The following NOD1 variants were observed in gnomAD, a reference collection of about 807,000 sequenced individuals.
NOD1 encodes nucleotide binding oligomerization domain containing 1.
NOD1 carries 70 observed loss-of-function variants against 81.2 expected under a neutral mutation model. That is an observed-to-expected ratio of 0.86 (90% CI 0.71 to 1.05). The LOEUF (loss-of-function observed/expected upper bound fraction) is 1.05. Ranked by LOEUF, NOD1 falls within the 50% of genes least tolerant of loss-of-function variation. The pLI is 0.00. For missense variants in NOD1, 1,233 were observed against 1,228.0 expected (o/e 1.00, Z -0.06); for synonymous variants, 508 against 526.9 (o/e 0.96, Z 0.49).
chr7:30,448,322 T>G lies in NOD1; in HGVS notation c.2261A>C (p.Lys754Thr), dbSNP rs1785327489. Residue 754 changes from lysine (K) to threonine (T), a missense_variant, in exon 7 of 14, where the codon AAA becomes ACA. Transcript: ENST00000222823. Reference protein sequence around the residue: ...GVKVLSEELTKYKIVTYLGLY... With the variant: ...GVKVLSEELTTYKIVTYLGLY... ...CCCCAAATAGGTCACAATTTTGTAT[T>G]TGGTCAGCTCTTCGCTTAGCACCTT... is the stretch of plus-strand genomic sequence containing the variant. 6.2e-7 allele frequency: 1 copy of G among 1,614,202 alleles called. No homozygotes were observed. The highest frequency in any genetic ancestry group is 1.1e-5 in the South Asian group (1 of 91,090).
intron 1 of NOD1, among the ~76,000 whole-genome samples, chr7:30,477,583 C>T (rs1406107937): frequency 6.6e-6 from 1 of 152,110 alleles, no homozygotes; most frequent in Non-Finnish European, 1.5e-5. Context: ...AGGGCGATCT[C>T]GGCTCACTGC....
At chr7:30,460,304 CA>C in intron 1 of NOD1, 4 of 985,468 alleles carry the variant, frequency 4.1e-6, no homozygotes, top group Non-Finnish European at 4.8e-6. Flanking sequence ...AAACACCAGA[CA>C]GCCAGAGATC....
At chr7:30,457,387 G>C (rs1427744699) in intron 3 of NOD1, among the ~76,000 whole-genome samples, 1 of 152,092 alleles carries the variant, frequency 6.6e-6, no homozygotes, top group Non-Finnish European at 1.5e-5. Flanking sequence ...AGAGTTCAAG[G>C]CTGCAGTGAA....
chr7:30,472,073 C>T (rs969450127), intron 1 of NOD1, among the ~76,000 whole-genome samples: 2 of 152,304 alleles, frequency 1.3e-5, no homozygotes, highest in Admixed American at 6.5e-5. Flanking sequence ...AGAGATTGTT[C>T]ATTATCTGAA....
chr7:30,435,926 C>G lies in NOD1; in HGVS notation c.2621+72G>C, dbSNP rs568459035. 45 of 1,305,308 alleles carry G rather than the reference C, an allele frequency of 3.4e-5. No individual in the cohort carries two copies. The East Asian group carries it at 4.4e-4, about 13-fold the overall frequency. The allele number at this position is 1,305,308 out of a possible 1,614,324, so 80.9% of individuals were successfully genotyped here. A position where few individuals can be genotyped will look rare whatever the true frequency, so the allele number is the denominator to read the frequency against. On this transcript the variant is annotated intron_variant, in intron 11 of 13. Coordinates refer to ENST00000222823, the MANE Select transcript of NOD1 (RefSeq NM_006092.4). ...TGAGCTGAGATCACACCAATGCACT[C>G]AAGCCTGGACGACAAAGCAAGACCC...
chr7:30,448,335 C>T lies in NOD1; in HGVS notation c.2248G>A (p.Glu750Lys), dbSNP rs147319394. The T allele has an allele frequency of 2.5e-5, 41 of 1,614,084 alleles. No homozygotes were observed. Among genetic ancestry groups the T allele is most frequent in the Non-Finnish European group, 2.8e-5 (33 of 1,180,032 alleles). The change falls in exon 7 of 14, where the codon GAA (glutamate) becomes AAA (lysine). Residue 750 changes from glutamate (E) to lysine (K), a missense_variant. Physicochemically the swap from Glu to Lys is moderately conservative, Grantham distance 56. Coordinates refer to ENST00000222823, the MANE Select transcript of NOD1 (RefSeq NM_006092.4). ...ITDGGVKVLS[E>K]ELTKYKIVTY... ...ACAATTTTGTATTTGGTCAGCTCTT[C>T]GCTTAGCACCTTTACCCCACCGTCA...
chr7:30,460,440 C>T (rs543347241), intron 1 of NOD1: 48 of 985,292 alleles, frequency 4.9e-5, no homozygotes, highest in Middle Eastern at 5.2e-4. Flanking sequence ...GGCCAGGTAT[C>T]TGGGAGCTGG....
At position 30,430,170 on chromosome 7, in the gene NOD1, G is replaced by A. The variant is rs1231907071; in HGVS notation, c.2706-713C>T. On this transcript the variant is annotated intron_variant, in intron 12 of 13. Coordinates refer to ENST00000222823, the MANE Select transcript of NOD1 (RefSeq NM_006092.4). ...AGAGGCTACCAACATGCAAGAGGGA[G>A]GGAGGAGAAACAGTTATGCTGCCAT... 1.8e-4 allele frequency among the ~76,000 whole-genome samples: 27 copies of A among 152,228 alleles called. 1 individual carries two copies. The highest frequency in any genetic ancestry group is 1.5e-5 in the Non-Finnish European group (1 of 68,048).
At chr7:30,438,240 C>G (rs1404400102) in intron 9 of NOD1, among the ~76,000 whole-genome samples, 1 of 152,226 alleles carries the variant, frequency 6.6e-6, no homozygotes, top group Non-Finnish European at 1.5e-5. Context: ...GGCGATAAAG[C>G]TGTATTCTGT....
rs79357452 is a variant in NOD1, at chr7:30,476,643, T to C, written c.-352+1963A>G. 1.2e-4 allele frequency among the ~76,000 whole-genome samples: 19 copies of C among 152,312 alleles called. No individual in the cohort carries two copies. The East Asian group carries it at 2.7e-3, about 22-fold the overall frequency. On this transcript the variant is annotated intron_variant, in intron 1 of 13. Transcript: ENST00000222823. ...TTCTTGGAAAGCCATTTAAAAGATA[T>C]ATATGTGGCAACAGAGAGGAGGAAG...
chr7:30,455,540 T>C (rs1205584438), intron 4 of NOD1, among the ~76,000 whole-genome samples: 2 of 151,146 alleles, frequency 1.3e-5, no homozygotes, highest in Admixed American at 6.6e-5. Context: ...GAGGCTTCCA[T>C]GAGCCTAAAA....
rs573457356 is a variant in NOD1, at chr7:30,439,334, A to G, written c.2454-1678T>C. Among the ~76,000 whole-genome samples the G allele has an allele frequency of 7.6e-3, 1,072 of 140,720 alleles. 23 individuals carry two copies. The highest frequency in any genetic ancestry group is 0.026 in the Admixed American group (382 of 14,708). 92.3% of individuals were successfully genotyped at this position (140,720 alleles called of 152,430 possible). A position where few individuals can be genotyped will look rare whatever the true frequency, so the allele number is the denominator to read the frequency against. On this transcript the variant is annotated intron_variant, in intron 9 of 13. Coordinates refer to ENST00000222823, the MANE Select transcript of NOD1 (RefSeq NM_006092.4). ...GAAGACGGGTGATTTCTGCATTTCC[A>G]TCTGAGGTACCGGGTTCATCTCACT...
intron 11 of NOD1, among the ~76,000 whole-genome samples, chr7:30,434,902 G>T (rs1784251803): frequency 1.3e-5 from 2 of 151,710 alleles, no homozygotes; most frequent in Admixed American, 6.6e-5. Flanking sequence ...GATAGGGAGG[G>T]TTGTAATACA....
Position 30,425,453 on chromosome 7 carries a change from G to C in NOD1, c.*185C>G. On this transcript the variant is annotated 3_prime_UTR_variant, in exon 14 of 14. Transcript: ENST00000222823. ...ATTCTTTTTCTGCAGAATTGTAGCG[G>C]GTACTTAGGGAGTTTGCCGACCAGA... The C allele has an allele frequency of 1.6e-6, 1 of 612,806 alleles. No individual in the cohort carries two copies. Among genetic ancestry groups the C allele is most frequent in the Non-Finnish European group, 2.9e-6 (1 of 340,392 alleles). 38.0% of individuals were successfully genotyped at this position (612,806 alleles called of 1,614,324 possible). A position where few individuals can be genotyped will look rare whatever the true frequency, so the allele number is the denominator to read the frequency against.
In NOD1 at chr7:30,424,812, T is replaced by G. The variant is rs904432042; in HGVS notation, c.*826A>C. On this transcript the variant is annotated 3_prime_UTR_variant, in exon 14 of 14. Coordinates refer to ENST00000222823, the MANE Select transcript of NOD1 (RefSeq NM_006092.4). ...GCCACAGGGGCAAGCCATGCCCTAT[T>G]TCTTTGGAGGGACAGAATCACTTCT... 6.6e-6 allele frequency: 1 copy of G among 152,248 alleles called. No individual in the cohort carries two copies. The highest frequency in any genetic ancestry group is 1.5e-5 in the Non-Finnish European group (1 of 68,102). The allele number at this position is 152,248 out of a possible 1,614,324, so 9.4% of individuals were successfully genotyped here.
At chr7:30,446,094 A>G (rs6958571) in intron 9 of NOD1, 47 bp downstream of exon 9, 23 of 1,354,102 alleles carry the variant, frequency 1.7e-5, no homozygotes, top group Admixed American at 8.5e-5. Flanking sequence ...CCCGCCCCCC[A>G]CACACACAGC....
chr7:30,460,297 C>T, intron 1 of NOD1: 3 of 985,436 alleles, frequency 3.0e-6, no homozygotes, highest in Non-Finnish European at 3.6e-6. Flanking sequence ...TTACCAGAAA[C>T]ACCAGACAGC....
At chr7:30,433,994 G>T (rs1443972047) in intron 11 of NOD1, among the ~76,000 whole-genome samples, 1 of 152,206 alleles carries the variant, frequency 6.6e-6, no homozygotes, top group Non-Finnish European at 1.5e-5. Flanking sequence ...AACAAATTTA[G>T]ATCAGAAACA....
At chr7:30,446,087 G>GCCCC in intron 9 of NOD1, 54 bp downstream of exon 9, 1 of 1,302,942 alleles carries the variant, frequency 7.7e-7, no homozygotes. Context: ...AGCAAGGCCC[G>GCCCC]CCCCCCACAC....
Sources: allele counts gnomAD v4.1 joint callset (sites outside exome capture counted in the v4.1 genomes callset), GRCh38; gene constraint gnomAD v4.1.1; transcripts MANE v1.5; gene names NCBI Gene and HGNC (gene_info 2026-07-23, HGNC 2026-07-21).